EBF1: variants seen among roughly 807,000 people sequenced by gnomAD.
The protein encoded by EBF1 is transcription factor COE1.
Under a neutral mutation model 68.4 loss-of-function variants are expected in EBF1, and 10 were observed. That is an observed-to-expected ratio of 0.15 (90% CI 0.09 to 0.25). The LOEUF (loss-of-function observed/expected upper bound fraction) is 0.25, where lower values mean the gene tolerates loss of function less well. Ranked by LOEUF, EBF1 falls within the 10% of genes least tolerant of loss-of-function variation. EBF1 has a pLI of 1.00. For missense variants in EBF1, 509 were observed against 794.4 expected, an observed-to-expected ratio of 0.64 and a Z score of 4.32; for synonymous variants, 298 against 299.8, an observed-to-expected ratio of 0.99 and a Z score of 0.06.
At chr5:158,900,264 G>A (rs925522661) in intron 6 of EBF1, among the ~76,000 whole-genome samples, 2 of 152,168 alleles carry the variant, frequency 1.3e-5, no homozygotes, top group Admixed American at 1.3e-4. Flanking sequence ...TATCTTCAAG[G>A]CCATCTCCCT....
intron 6 of EBF1, among the ~76,000 whole-genome samples, chr5:158,846,128 G>A (rs572270603): frequency 9.2e-5 from 14 of 152,312 alleles, no homozygotes; most frequent in African/African-American, 3.1e-4. Flanking sequence ...TGTGGCAGAT[G>A]ATCCTTCCCG....
rs144587722 is a variant in EBF1 at position 158,768,641 on chromosome 5, G to A, written c.1036+8772C>T. ...AAGTGAATGCCCTAGCGGGTCCCAC[G>A]TCTCTTCGTTAACTTTAACAATGAA... is the stretch of plus-strand genomic sequence containing the variant. On this transcript the variant is annotated intron_variant, in intron 10 of 15. Transcript: ENST00000313708. Among the ~76,000 whole-genome samples the A allele has an allele frequency of 2.2e-3, 333 of 152,198 alleles. 4 individuals are homozygous for A. The highest frequency in any genetic ancestry group is 7.8e-3 in the African/African-American group (325 of 41,552).
At chr5:159,011,838 T>C (rs1222954286) in intron 6 of EBF1, among the ~76,000 whole-genome samples, 3 of 152,098 alleles carry the variant, frequency 2.0e-5, no homozygotes. Context: ...TAAGAAAAAA[T>C]ATAATGAAAA....
chr5:159,033,010 C>G (rs1769243311), intron 6 of EBF1, among the ~76,000 whole-genome samples: 1 of 152,146 alleles, frequency 6.6e-6, no homozygotes, highest in Admixed American at 6.5e-5. Flanking sequence ...ACATCCGCCC[C>G]CACCCCCAAA....
intron 6 of EBF1, among the ~76,000 whole-genome samples, chr5:159,049,794 C>G (rs1261402972): frequency 2.0e-5 from 3 of 152,172 alleles, no homozygotes; most frequent in Non-Finnish European, 4.4e-5. Flanking sequence ...GGATGGTTTT[C>G]CTCACTAAAA....
chr5:158,730,758 A>C (rs1398425218), intron 11 of EBF1, among the ~76,000 whole-genome samples: 2 of 152,222 alleles, frequency 1.3e-5, no homozygotes, highest in Non-Finnish European at 2.9e-5. Context: ...TTTACATGCT[A>C]TGTGACCTTG....
chr5:158,924,818 A>C (rs1258484236), intron 6 of EBF1, among the ~76,000 whole-genome samples: 1 of 135,690 alleles, frequency 7.4e-6, no homozygotes, highest in East Asian at 2.3e-4. Context: ...GCGCCACTGC[A>C]CTCCAGCCTG....
chr5:159,063,495 T>C (rs1776224604), intron 6 of EBF1, among the ~76,000 whole-genome samples: 1 of 152,244 alleles, frequency 6.6e-6, no homozygotes, highest in South Asian at 2.1e-4. Context: ...TTATACTTGC[T>C]ATTACTATTC....
intron 6 of EBF1, among the ~76,000 whole-genome samples, chr5:159,043,120 G>T (rs1771583168): frequency 6.6e-6 from 1 of 152,192 alleles, no homozygotes; most frequent in South Asian, 2.1e-4. Flanking sequence ...GATGGATGTT[G>T]CTTTCTCTAT....
chr5:158,773,234 A>T (rs1338945964), intron 10 of EBF1, among the ~76,000 whole-genome samples: 2 of 152,208 alleles, frequency 1.3e-5, no homozygotes, highest in African/African-American at 4.8e-5. Flanking sequence ...CACAGAGCAT[A>T]TGCAGACAAA....
chr5:158,919,487 C>T (rs932821042), intron 6 of EBF1, among the ~76,000 whole-genome samples: 6 of 152,208 alleles, frequency 3.9e-5, no homozygotes, highest in African/African-American at 1.2e-4. Flanking sequence ...AACATAAAGA[C>T]ACCAAATGAA....
intron 6 of EBF1, among the ~76,000 whole-genome samples, chr5:158,920,038 T>C (rs936355414): frequency 4.9e-4 from 75 of 152,292 alleles, no homozygotes; most frequent in African/African-American, 1.7e-3. Flanking sequence ...AACCATGATA[T>C]CCTAGCACCT....
Position 158,721,650 on chromosome 5 carries a change from T to A in EBF1, c.1126-7468A>T, listed in dbSNP as rs57724193. On this transcript the variant is annotated intron_variant, in intron 11 of 15. Coordinates refer to ENST00000313708, the MANE Select transcript of EBF1 (RefSeq NM_024007.5). ...TACTGTCCCGTAAGCAATAATATAG[T>A]TGTAAGAGCTGTTGGTTCGATCGTG... Among the ~76,000 whole-genome samples the A allele has an allele frequency of 8.8e-3, 1,340 of 152,252 alleles. 24 individuals carry two copies. Among genetic ancestry groups the A allele is most frequent in the African/African-American group, 0.03 (1,265 of 41,550 alleles).
intron 6 of EBF1, among the ~76,000 whole-genome samples, chr5:158,934,807 T>G (rs754712530): frequency 1.3e-5 from 2 of 152,228 alleles, no homozygotes; most frequent in African/African-American, 4.8e-5. Flanking sequence ...TCACTAAATG[T>G]CCTTCCCAGA....
intron 6 of EBF1, among the ~76,000 whole-genome samples, chr5:159,067,819 T>C (rs1777106002): frequency 6.6e-6 from 1 of 152,150 alleles, no homozygotes; most frequent in Non-Finnish European, 1.5e-5. Context: ...CTTAAATTCA[T>C]GCTCAGTGTC....
rs1269319106 is a variant in EBF1 at position 159,021,308 on chromosome 5, C to G, written c.554+52088G>C. Reference sequence around the variant, plus strand: ...CCCGCCAAAAAAAAGGGCAACTGCACTCATAGGAGGAAAAAAAATAGGAGA... The same window carrying G: ...CCCGCCAAAAAAAAGGGCAACTGCAGTCATAGGAGGAAAAAAAATAGGAGA... On this transcript the variant is annotated intron_variant, in intron 6 of 15. Coordinates refer to ENST00000313708, the MANE Select transcript of EBF1 (RefSeq NM_024007.5). Among the ~76,000 whole-genome samples, 2 of 152,114 alleles carry G rather than the reference C, an allele frequency of 1.3e-5. 1 individual carries two copies. The highest frequency in any genetic ancestry group is 4.8e-5 in the African/African-American group (2 of 41,394).
At chr5:158,712,783 C>A (rs1243195528) in intron 13 of EBF1, among the ~76,000 whole-genome samples, 187 bp downstream of exon 13, 1 of 152,100 alleles carries the variant, frequency 6.6e-6, no homozygotes, top group Admixed American at 6.5e-5. Flanking sequence ...TCCTTTCTAG[C>A]CCTCTATATT....
chr5:158,957,019 A>G (rs540744972), intron 6 of EBF1, among the ~76,000 whole-genome samples: 10 of 152,224 alleles, frequency 6.6e-5, no homozygotes, highest in African/African-American at 2.4e-4. Context: ...AGGCCTCCCA[A>G]AGTGCTGGGA....
intron 11 of EBF1, among the ~76,000 whole-genome samples, chr5:158,716,743 C>T (rs530072506): frequency 1.7e-4 from 26 of 152,268 alleles, no homozygotes; most frequent in African/African-American, 6.3e-4. Flanking sequence ...CATGTCATTA[C>T]GCTCCCAGTG....
Sources: gnomAD v4.1 joint callset for allele counts (sites outside exome capture counted in the v4.1 genomes callset) on GRCh38, gnomAD v4.1.1 for gene constraint, MANE v1.5 for transcripts, NCBI Gene and HGNC (gene_info 2026-07-23, HGNC 2026-07-21) for gene names.